The following ULK4 variants were observed in gnomAD, a reference collection of about 807,000 sequenced individuals.
The protein encoded by ULK4 is unc-51 like kinase 4, also known as inactive serine/threonine-protein kinase ULK4.
Under a neutral mutation model 160.6 loss-of-function variants are expected in ULK4, and 133 were observed. That is an observed-to-expected ratio of 0.83 (90% CI 0.72 to 0.96). The LOEUF (loss-of-function observed/expected upper bound fraction) is 0.96, where lower values mean the gene tolerates loss of function less well. ULK4 is among the 40% of genes least tolerant of loss of function. The probability of loss-of-function intolerance (pLI) is 0.00; values close to 1 mark genes in which losing one functional copy is unlikely to be tolerated. For synonymous variants in ULK4, 534 were observed against 539.8 expected (o/e 0.99, Z 0.15); for missense variants, 1,580 against 1,499.5 (o/e 1.05, Z -0.89).
At chr3:41,386,932 T>C (rs1336575472) in intron 35 of ULK4, among the ~76,000 whole-genome samples, 2 of 152,138 alleles carry the variant, frequency 1.3e-5, no homozygotes, top group Admixed American at 6.6e-5. Flanking sequence ...GACTATCATT[T>C]TATCAATACT....
At chr3:41,958,547 CAA>C (rs78864808) in intron 1 of ULK4, among the ~76,000 whole-genome samples, 7 of 123,994 alleles carry the variant, frequency 5.6e-5, no homozygotes, top group Admixed American at 8.4e-5. Flanking sequence ...ACTAAAAATA[CAA>C]AAAAAAAAAA....
chr3:41,448,487 A>AT (rs1246395901), intron 34 of ULK4, among the ~76,000 whole-genome samples: 41 of 152,208 alleles, frequency 2.7e-4, no homozygotes, highest in African/African-American at 9.9e-4. Flanking sequence ...ATTATCTATG[A>AT]TTTTGTAAGC....
chr3:41,318,391 TATA>T (rs1399019375), intron 35 of ULK4, among the ~76,000 whole-genome samples: 56 of 152,164 alleles, frequency 3.7e-4, no homozygotes, highest in Admixed American at 3.7e-3. Flanking sequence ...AGTAAAAATA[TATA>T]ATTAGATTTG....
At chr3:41,933,930 T>TG in intron 4 of ULK4, among the ~76,000 whole-genome samples, 1 of 152,002 alleles carries the variant, frequency 6.6e-6, no homozygotes, top group Non-Finnish European at 1.5e-5. Context: ...CCCAGCTACT[T>TG]GGGAGGCTAA....
intron 21 of ULK4, among the ~76,000 whole-genome samples, chr3:41,775,286 C>T (rs2039566090): frequency 1.3e-5 from 2 of 150,260 alleles, no homozygotes; most frequent in Non-Finnish European, 2.9e-5. Context: ...TTTACCTATC[C>T]AGACAAAAAG....
intron 20 of ULK4, among the ~76,000 whole-genome samples, chr3:41,799,466 C>G (rs145134523): frequency 6.6e-6 from 1 of 152,140 alleles, no homozygotes; most frequent in Non-Finnish European, 1.5e-5. Flanking sequence ...GACACAAAAT[C>G]TGAATGGGGA....
chr3:41,554,072 G>A (rs2125582542), intron 32 of ULK4, among the ~76,000 whole-genome samples: 1 of 152,140 alleles, frequency 6.6e-6, no homozygotes, highest in Admixed American at 6.6e-5. Flanking sequence ...TCAAATAACT[G>A]AGAACATGTG....
intron 35 of ULK4, among the ~76,000 whole-genome samples, chr3:41,329,724 A>G (rs2080406305): frequency 6.6e-6 from 1 of 152,236 alleles, no homozygotes; most frequent in Non-Finnish European, 1.5e-5. Context: ...TAGATATTCC[A>G]CTGACGAACA....
At chr3:41,364,270 T>C (rs1479491570) in intron 35 of ULK4, among the ~76,000 whole-genome samples, 1 of 152,098 alleles carries the variant, frequency 6.6e-6, no homozygotes, top group African/African-American at 2.4e-5. Flanking sequence ...TCACTGGTGA[T>C]TAACTATCCG....
At chr3:41,699,217 G>T (rs1182951825) in intron 27 of ULK4, among the ~76,000 whole-genome samples, 3 of 152,146 alleles carry the variant, frequency 2.0e-5, no homozygotes, top group Admixed American at 2.0e-4. Context: ...ACTGAGCGTA[G>T]TGTTTCTGGG....
At chr3:41,291,003 T>C (rs1463736383) in intron 35 of ULK4, among the ~76,000 whole-genome samples, 1 of 152,244 alleles carries the variant, frequency 6.6e-6, no homozygotes, top group Admixed American at 6.5e-5. Flanking sequence ...TGCTAATGGC[T>C]TCTAGGCCTC....
At chr3:41,734,440 C>T (rs1285202372) in intron 22 of ULK4, among the ~76,000 whole-genome samples, 1 of 152,022 alleles carries the variant, frequency 6.6e-6, no homozygotes, top group Non-Finnish European at 1.5e-5. Context: ...TTTAAAACTC[C>T]TCTTGTGTAT....
chr3:41,486,882 C>G (rs1385699575), intron 32 of ULK4, among the ~76,000 whole-genome samples: 1 of 133,844 alleles, frequency 7.5e-6, no homozygotes, highest in Non-Finnish European at 1.7e-5. Context: ...ATAAGGATGC[C>G]TACTCTCCCA....
At chr3:41,909,902 AT>A (rs200120076) in intron 11 of ULK4, among the ~76,000 whole-genome samples, 331 of 149,368 alleles carry the variant, frequency 2.2e-3, no homozygotes, top group African/African-American at 7.3e-3. Context: ...ATACTACTAA[AT>A]TTTTTTTTTT....
chr3:41,456,097 A>G (rs2083545571), intron 33 of ULK4, among the ~76,000 whole-genome samples: 1 of 152,092 alleles, frequency 6.6e-6, no homozygotes, highest in Non-Finnish European at 1.5e-5. Flanking sequence ...TTTAGTAGAG[A>G]CGGGGTTTTG....
chr3:41,350,335 A>G (rs1165567164), intron 35 of ULK4, among the ~76,000 whole-genome samples: 1 of 151,880 alleles, frequency 6.6e-6, no homozygotes, highest in Admixed American at 6.7e-5. Flanking sequence ...ATACACAAAC[A>G]GAAACACAAG....
chr3:41,403,455 C>T (rs1481447678), intron 34 of ULK4, among the ~76,000 whole-genome samples: 1 of 152,116 alleles, frequency 6.6e-6, no homozygotes, highest in Non-Finnish European at 1.5e-5. Flanking sequence ...TGTTTCATCC[C>T]TTATATTGAT....
At chr3:41,573,878 GAA>G (rs1298412593) in intron 31 of ULK4, among the ~76,000 whole-genome samples, 2 of 152,192 alleles carry the variant, frequency 1.3e-5, no homozygotes, top group African/African-American at 2.4e-5. Context: ...CCCAAGCTCA[GAA>G]AAGTCTTCAG....
chr3:41,411,004 T>C (rs538568305), intron 34 of ULK4, among the ~76,000 whole-genome samples: 1 of 151,834 alleles, frequency 6.6e-6, no homozygotes, highest in Non-Finnish European at 1.5e-5. Flanking sequence ...GGAGTGGAGG[T>C]TAGGACTTTA....
Sources: allele counts gnomAD v4.1 joint callset (sites outside exome capture counted in the v4.1 genomes callset), GRCh38; gene constraint gnomAD v4.1.1; transcripts MANE v1.5; gene names NCBI Gene and HGNC (gene_info 2026-07-23, HGNC 2026-07-21).